The following DTNA variants were observed in gnomAD, a reference collection of about 807,000 sequenced individuals.
DTNA encodes dystrophin-related protein 3.
DTNA carries 43 observed loss-of-function variants against 100.7 expected under a neutral mutation model. That is an observed-to-expected ratio of 0.43 (90% CI 0.33 to 0.55). The LOEUF (loss-of-function observed/expected upper bound fraction) is 0.55, where lower values mean the gene tolerates loss of function less well. Among genes scored for constraint, DTNA ranks in the 20% least tolerant of loss-of-function variants. DTNA has a pLI of 0.04. For synonymous variants in DTNA, 349 were observed against 347.9 expected, an observed-to-expected ratio of 1.00 and a Z score of -0.04; for missense variants, 798 against 953.9, an observed-to-expected ratio of 0.84 and a Z score of 2.15.
At chr18:34,563,102 C>G (rs2046784074) in intron 1 of DTNA, among the ~76,000 whole-genome samples, 1 of 152,192 alleles carries the variant, frequency 6.6e-6, no homozygotes, top group African/African-American at 2.4e-5. Flanking sequence ...TCACGTGGAA[C>G]TACCCAATGT....
chr18:34,794,368 T>C (rs1468915473), intron 4 of DTNA, 118 bp downstream of exon 4: 1 of 1,143,284 alleles, frequency 8.7e-7, no homozygotes, highest in Admixed American at 2.1e-5. Context: ...CTCTCTTTTT[T>C]CTTACAGTGG....
intron 1 of DTNA, among the ~76,000 whole-genome samples, chr18:34,645,138 C>T (rs1426549061): frequency 6.6e-6 from 1 of 152,074 alleles, no homozygotes; most frequent in Non-Finnish European, 1.5e-5. Flanking sequence ...TAGTTGTTGT[C>T]ATCTTAGGAA....
chr18:34,495,020 G>A (rs1229707363), intron 1 of DTNA, among the ~76,000 whole-genome samples: 4 of 152,062 alleles, frequency 2.6e-5, no homozygotes, highest in African/African-American at 4.8e-5. Context: ...AGTAGGTAAT[G>A]TTATTAAACA....
intron 11 of DTNA, among the ~76,000 whole-genome samples, chr18:34,835,428 G>C (rs1489645449): frequency 1.3e-5 from 2 of 152,160 alleles, no homozygotes; most frequent in Non-Finnish European, 2.9e-5. Context: ...GACAACAAAA[G>C]TTAAGAGATG....
chr18:34,813,658 G>T (rs987213938), intron 6 of DTNA, among the ~76,000 whole-genome samples: 8 of 152,048 alleles, frequency 5.3e-5, no homozygotes, highest in South Asian at 4.2e-4. Flanking sequence ...TTTGAGACCA[G>T]CCTGTCCAAT....
intron 1 of DTNA, among the ~76,000 whole-genome samples, chr18:34,671,507 C>G (rs1029353055): frequency 1.3e-5 from 2 of 152,196 alleles, no homozygotes; most frequent in African/African-American, 4.8e-5. Flanking sequence ...TAGACTGGAG[C>G]TGTTCCTATT....
intron 1 of DTNA, among the ~76,000 whole-genome samples, chr18:34,723,294 C>A (rs1265332563): frequency 6.6e-6 from 1 of 152,188 alleles, no homozygotes; most frequent in East Asian, 1.9e-4. Flanking sequence ...ATCAGTTGAT[C>A]TTCACAACAG....
chr18:34,698,315 G>A (rs2080881986), intron 1 of DTNA, among the ~76,000 whole-genome samples: 1 of 152,158 alleles, frequency 6.6e-6, no homozygotes, highest in Non-Finnish European at 1.5e-5. Flanking sequence ...TTCTGTCATA[G>A]CTTTGTAGGC....
intron 1 of DTNA, among the ~76,000 whole-genome samples, chr18:34,615,081 A>T (rs1206669016): frequency 6.6e-6 from 1 of 152,194 alleles, no homozygotes; most frequent in African/African-American, 2.4e-5. Context: ...TAATTGACTT[A>T]TGGTTCTACA....
In DTNA at chr18:34,858,817, G is replaced by A. The variant is rs560470447; in HGVS notation, c.1646+419G>A. 7.2e-5 allele frequency among the ~76,000 whole-genome samples: 11 copies of A among 152,154 alleles called. No individual in the cohort carries two copies. In the South Asian group the frequency reaches 2.1e-3, roughly 29 times the overall value. ...GTAGAGACAGGGTTTCACCATATTA[G>A]TCAGACTGGTCGCAAACTCCTGACC... On this transcript the variant is annotated intron_variant, in intron 16 of 22. Transcript: ENST00000444659.
intron 1 of DTNA, among the ~76,000 whole-genome samples, chr18:34,536,251 G>A (rs985702031): frequency 5.3e-5 from 8 of 151,870 alleles, no homozygotes; most frequent in African/African-American, 1.9e-4. Flanking sequence ...CAAACTAAAT[G>A]TAAATTTGTC....
intron 2 of DTNA, among the ~76,000 whole-genome samples, chr18:34,758,358 G>A (rs2092920430): frequency 6.6e-6 from 1 of 152,166 alleles, no homozygotes; most frequent in Non-Finnish European, 1.5e-5. Context: ...TTAGAAATTA[G>A]AAATGTGAAA....
At chr18:34,547,122 A>C (rs890378916) in intron 1 of DTNA, among the ~76,000 whole-genome samples, 45 of 152,134 alleles carry the variant, frequency 3.0e-4, no homozygotes, top group Non-Finnish European at 1.3e-4. Context: ...AATATAAATA[A>C]TTTTTGAAAG....
chr18:34,497,157 TG>T (rs2039339962), intron 1 of DTNA, among the ~76,000 whole-genome samples: 1 of 152,194 alleles, frequency 6.6e-6, no homozygotes, highest in Admixed American at 6.5e-5. Flanking sequence ...CTGTGTGGTT[TG>T]GGAGGTTTTT....
intron 1 of DTNA, among the ~76,000 whole-genome samples, chr18:34,669,923 A>T (rs1361667060): frequency 1.3e-5 from 2 of 152,058 alleles, no homozygotes; most frequent in Non-Finnish European, 2.9e-5. Context: ...GCTCTTCTTG[A>T]GGAGTATCTT....
intron 1 of DTNA, among the ~76,000 whole-genome samples, chr18:34,596,520 C>T (rs903733642): frequency 3.3e-5 from 5 of 152,092 alleles, no homozygotes; most frequent in African/African-American, 1.2e-4. Flanking sequence ...TGCCCAGCCT[C>T]TTTACTGTTT....
chr18:34,669,204 C>G (rs944244144), intron 1 of DTNA, among the ~76,000 whole-genome samples: 1 of 152,066 alleles, frequency 6.6e-6, no homozygotes, highest in African/African-American at 2.4e-5. Context: ...CTCTTTTGAT[C>G]TTTGTTGGTT....
intron 1 of DTNA, among the ~76,000 whole-genome samples, chr18:34,564,045 C>A (rs2046871196): frequency 6.6e-6 from 1 of 152,118 alleles, no homozygotes; most frequent in Non-Finnish European, 1.5e-5. Flanking sequence ...TTATTATTAA[C>A]TACAGTCACT....
intron 1 of DTNA, among the ~76,000 whole-genome samples, chr18:34,746,695 C>T (rs1377215240): frequency 2.0e-5 from 3 of 152,094 alleles, no homozygotes. Flanking sequence ...CTCCCCAGTC[C>T]CTCTGAGACA....
Sources: gnomAD v4.1 joint callset for allele counts (sites outside exome capture counted in the v4.1 genomes callset) on GRCh38, gnomAD v4.1.1 for gene constraint, MANE v1.5 for transcripts, NCBI Gene and HGNC (gene_info 2026-07-23, HGNC 2026-07-21) for gene names.